Variants in NUP42 observed in about 807,000 individuals in gnomAD.
NUP42 encodes the protein nucleoporin NUP42.
NUP42 carries 47 observed loss-of-function variants against 35.9 expected under a neutral mutation model. That is an observed-to-expected ratio of 1.31 (90% CI 1.04 to 1.67). NUP42 has a LOEUF of 1.67. Among genes scored for constraint, NUP42 ranks in the 40% most tolerant of loss-of-function variants. NUP42 has a pLI of 0.00. For synonymous variants in NUP42, 173 were observed against 173.3 expected (o/e 1.00, Z 0.01); for missense variants, 514 against 492.2 (o/e 1.04, Z -0.42).
chr7:23,196,667 C>T lies in NUP42; in HGVS notation c.523-13C>T, dbSNP rs1786022136. 6.3e-7 allele frequency: 1 copy of T among 1,577,872 alleles called. No homozygotes were observed. The highest frequency in any genetic ancestry group is 8.7e-7 in the Non-Finnish European group (1 of 1,149,872). ...CAATATTGAACTGTTATTTTTCTGT[C>T]TTCCGTTTTCAGCTAAATTCTGTCC... On this transcript the variant is annotated splice_polypyrimidine_tract_variant and intron_variant, in intron 4 of 6. Coordinates refer to ENST00000258742, the MANE Select transcript of NUP42 (RefSeq NM_007342.3).
intron 3 of NUP42, among the ~76,000 whole-genome samples, chr7:23,190,746 A>G (rs1450609517): frequency 6.6e-6 from 1 of 152,182 alleles, no homozygotes; most frequent in Non-Finnish European, 1.5e-5. Context: ...TATGTAACAA[A>G]CCTGCACATT....
chr7:23,196,663 C>A lies in NUP42; in HGVS notation c.523-17C>A. On this transcript the variant is annotated splice_polypyrimidine_tract_variant and intron_variant, in intron 4 of 6. Coordinates refer to ENST00000258742, the MANE Select transcript of NUP42 (RefSeq NM_007342.3). ...CATACAATATTGAACTGTTATTTTTCTGTCTTCCGTTTTCAGCTAAATTCT... is the reference window on the plus strand; with the variant it reads ...CATACAATATTGAACTGTTATTTTTATGTCTTCCGTTTTCAGCTAAATTCT... 6.4e-7 allele frequency: 1 copy of A among 1,557,360 alleles called. No individual in the cohort carries two copies. Among genetic ancestry groups the A allele is most frequent in the South Asian group, 1.1e-5 (1 of 88,990 alleles).
rs1254486878 is a variant in NUP42 at position 23,185,097 on chromosome 7, C to CTGGCTAGT, written c.150_151insGGCTAGTT (p.Ser51GlyfsTer2). ...AATAATAGACGTGGATGGAATACAACTAGCCAGAGATATTCCAATGTCATC... is the reference window on the plus strand; with the variant it reads ...AATAATAGACGTGGATGGAATACAACTGGCTAGTTAGCCAGAGATATTCCAATGTCATC... On this transcript the variant is annotated stop_gained and frameshift_variant, in exon 2 of 7. Coordinates refer to ENST00000258742, the MANE Select transcript of NUP42 (RefSeq NM_007342.3). LOFTEE classifies it high-confidence loss of function. 5.6e-6 allele frequency: 9 copies of CTGGCTAGT among 1,613,936 alleles called. No individual in the cohort carries two copies. In the African/African-American group the frequency reaches 1.2e-4, roughly 22 times the overall value.
chr7:23,187,221 A>G (rs1785624576), intron 3 of NUP42, 75 bp downstream of exon 3: 5 of 1,029,176 alleles, frequency 4.9e-6, no homozygotes, highest in Non-Finnish European at 7.4e-6. Context: ...ATGCCAAATA[A>G]AGAAATCAAC....
intron 4 of NUP42, 66 bp downstream of exon 4, chr7:23,195,981 G>A (rs552155952): frequency 1.3e-5 from 13 of 1,030,796 alleles, no homozygotes; most frequent in East Asian, 5.2e-5. Flanking sequence ...TTTCTTTATC[G>A]TGGCTTGTGT....
At chr7:23,195,071 T>G (rs1785967328) in intron 3 of NUP42, 1 of 152,270 alleles carries the variant, frequency 6.6e-6, no homozygotes, top group Admixed American at 6.5e-5. Flanking sequence ...ATAGCAACCT[T>G]TGTTTACATA....
At chr7:23,182,238 G>A (rs747546084) in intron 1 of NUP42, 32 bp downstream of exon 1, 24 of 1,571,556 alleles carry the variant, frequency 1.5e-5, no homozygotes, top group Middle Eastern at 1.8e-4. Context: ...CGCGGTAACC[G>A]AGCCGGGAAG....
intron 4 of NUP42, 78 bp downstream of exon 4, chr7:23,195,993 T>A: frequency 1.2e-6 from 1 of 859,528 alleles, no homozygotes; most frequent in Non-Finnish European, 1.8e-6. Flanking sequence ...GGCTTGTGTT[T>A]TGGCAAAACC....
At chr7:23,199,811 C>T (rs1392061928) in intron 6 of NUP42, among the ~76,000 whole-genome samples, 4 of 152,180 alleles carry the variant, frequency 2.6e-5, no homozygotes, top group African/African-American at 9.6e-5. Context: ...GATAGCAGCA[C>T]CTTTGAGAAC....
At chr7:23,198,832 C>T (rs1007154444) in intron 5 of NUP42, among the ~76,000 whole-genome samples, 1 of 151,990 alleles carries the variant, frequency 6.6e-6, no homozygotes, top group African/African-American at 2.4e-5. Context: ...CAGATCTACC[C>T]TTATAGACAC....
At chr7:23,186,929 G>T in intron 2 of NUP42, 123 bp from the exon 3 acceptor site, 1 of 641,942 alleles carries the variant, frequency 1.6e-6, no homozygotes. Flanking sequence ...ACACTCTTCA[G>T]AAAATATAAT....
At chr7:23,197,052 A>G (rs1786036561) in intron 5 of NUP42, 2 of 462,764 alleles carry the variant, frequency 4.3e-6, no homozygotes, top group Non-Finnish European at 7.6e-6. Context: ...CATAAGTTTA[A>G]GTATTTAAGG....
At chr7:23,185,030 A>G (rs1785542068) in intron 1 of NUP42, 40 bp from the exon 2 acceptor site, 5 of 1,508,270 alleles carry the variant, frequency 3.3e-6, no homozygotes. Context: ...TAGAAAGAAA[A>G]GTTGCTAGTA....
At chr7:23,187,912 A>G in intron 3 of NUP42, 1 of 515,124 alleles carries the variant, frequency 1.9e-6, no homozygotes, top group Non-Finnish European at 3.3e-6. Flanking sequence ...GGCCTGGAAT[A>G]GCATTTGCTT....
In NUP42 at chr7:23,187,117, C is replaced by T. The variant is rs771318400; in HGVS notation, c.416C>T (p.Ser139Leu). 6 of 1,605,144 alleles carry T rather than the reference C, an allele frequency of 3.7e-6. No homozygotes were observed. In the East Asian group the frequency reaches 1.3e-4, roughly 36 times the overall value. ...GGGCAGTGGATGTTTTCTGTTTATTCACCAGTGAAAAAGAAACCTAATATT... is the reference window on the plus strand; with the variant it reads ...GGGCAGTGGATGTTTTCTGTTTATTTACCAGTGAAAAAGAAACCTAATATT... ...SSGQWMFSVY[S>L]PVKKKPNISG... is the part of the protein sequence containing the mutation. The change falls in exon 3 of 7, where the codon TCA becomes TTA. Residue 139 changes from serine (S) to leucine (L), a missense_variant. Physicochemically the swap from Ser to Leu is moderately radical, Grantham distance 145. Coordinates refer to ENST00000258742, the MANE Select transcript of NUP42 (RefSeq NM_007342.3).
chr7:23,182,756 A>C (rs982552357), intron 1 of NUP42, among the ~76,000 whole-genome samples: 1 of 149,322 alleles, frequency 6.7e-6, no homozygotes, highest in Admixed American at 6.6e-5. Flanking sequence ...AAAAAAAAAA[A>C]AAAAAAAAAT....
intron 3 of NUP42, among the ~76,000 whole-genome samples, chr7:23,191,328 G>T (rs534278741): frequency 2.0e-5 from 3 of 152,196 alleles, no homozygotes; most frequent in African/African-American, 7.2e-5. Context: ...GTTGGGAGCC[G>T]TGGCAAAAGT....
At chr7:23,189,439 C>A (rs1242601770) in intron 3 of NUP42, among the ~76,000 whole-genome samples, 1 of 152,088 alleles carries the variant, frequency 6.6e-6, no homozygotes, top group African/African-American at 2.4e-5. Context: ...TATAGCAAGA[C>A]CTTGTCTCTA....
intron 3 of NUP42, chr7:23,187,992 CTTT>C: frequency 1.1e-6 from 1 of 944,678 alleles, no homozygotes; most frequent in African/African-American, 1.7e-5. Flanking sequence ...TTCTCTCTCT[CTTT>C]TTTTATTTTT....
Sources: allele counts gnomAD v4.1 joint callset (sites outside exome capture counted in the v4.1 genomes callset), GRCh38; gene constraint gnomAD v4.1.1; transcripts MANE v1.5; gene names NCBI Gene and HGNC (gene_info 2026-07-23, HGNC 2026-07-21).